Variants in FAM184A observed in about 807,000 individuals in gnomAD.
The protein encoded by FAM184A is protein FAM184A.
FAM184A carries 99 observed loss-of-function variants against 143.8 expected under a neutral mutation model. The observed-to-expected ratio is 0.69, with a 90% CI of 0.58 to 0.81. FAM184A has a LOEUF of 0.81. Among genes scored for constraint, FAM184A ranks in the 40% least tolerant of loss-of-function variants. The pLI is 0.00. For synonymous variants in FAM184A, 427 were observed against 446.4 expected (o/e 0.96, Z 0.55); for missense variants, 1,217 against 1,310.5 (o/e 0.93, Z 1.10).
intron 1 of FAM184A, among the ~76,000 whole-genome samples, chr6:119,095,761 G>T (rs949744449): frequency 6.6e-6 from 1 of 152,092 alleles, no homozygotes; most frequent in African/African-American, 2.4e-5. Context: ...GTCTTGCTAT[G>T]TTGCCCAGGC....
chr6:119,058,175 C>CTTTTT (rs5879483), intron 1 of FAM184A, among the ~76,000 whole-genome samples: 2 of 89,734 alleles, frequency 2.2e-5, no homozygotes, highest in African/African-American at 5.6e-5. Context: ...CTCCTTCTCT[C>CTTTTT]TTTTTTTTTT....
At chr6:119,063,090 C>T (rs528302582) in intron 1 of FAM184A, among the ~76,000 whole-genome samples, 1 of 152,092 alleles carries the variant, frequency 6.6e-6, no homozygotes, top group Non-Finnish European at 1.5e-5. Context: ...GAAACCCCCC[C>T]ACCAAAAATC....
Position 119,019,969 on chromosome 6 carries a change from A to T in FAM184A, c.1332+9T>A. ...TTTCGGGGGGAATGGAGTGTCCATT[A>T]CTTTTTACCTTCTCCAGTTCTAGAA... On this transcript the variant is annotated intron_variant, in intron 4 of 17. Transcript: ENST00000338891. 2 of 1,540,458 alleles carry T rather than the reference A, an allele frequency of 1.3e-6. No homozygotes were observed. The highest frequency in any genetic ancestry group is 1.7e-6 in the Non-Finnish European group (2 of 1,149,398).
intron 1 of FAM184A, among the ~76,000 whole-genome samples, chr6:119,034,035 TATATATAGAGAGAGAGAGAGAG>T (rs1786008779): frequency 2.9e-5 from 1 of 34,260 alleles, no homozygotes; most frequent in Non-Finnish European, 5.3e-5. Flanking sequence ...TATATATATA[TATATATAGAGAGAGAGAGAGAG>T]AGAGAGAGAG....
chr6:119,070,446 T>C (rs1320705949), intron 1 of FAM184A, among the ~76,000 whole-genome samples: 2 of 152,140 alleles, frequency 1.3e-5, no homozygotes, highest in Non-Finnish European at 1.5e-5. Flanking sequence ...TATTAATTGA[T>C]TGGCAGCCAA....
At chr6:119,089,217 T>TATTTA (rs1788308322) in intron 1 of FAM184A, among the ~76,000 whole-genome samples, 2 of 150,170 alleles carry the variant, frequency 1.3e-5, no homozygotes, top group Admixed American at 6.6e-5. Flanking sequence ...TTTTTTTATT[T>TATTTA]TTTTGAGACA....
intron 1 of FAM184A, among the ~76,000 whole-genome samples, chr6:119,068,558 C>T (rs1240271917): frequency 6.6e-6 from 1 of 152,152 alleles, no homozygotes; most frequent in Non-Finnish European, 1.5e-5. Flanking sequence ...AAGTCAAACA[C>T]TAGGAAGTGG....
intron 11 of FAM184A, among the ~76,000 whole-genome samples, chr6:118,978,094 G>C (rs1783902108): frequency 6.6e-6 from 1 of 152,034 alleles, no homozygotes; most frequent in Non-Finnish European, 1.5e-5. Flanking sequence ...CTCCCAAGTA[G>C]CTAGGATTAC....
At chr6:119,099,279 CT>C (rs1373772220) in intron 1 of FAM184A, among the ~76,000 whole-genome samples, 1 of 152,004 alleles carries the variant, frequency 6.6e-6, no homozygotes, top group Non-Finnish European at 1.5e-5. Flanking sequence ...GAATCCTCAT[CT>C]TTAGCTTCTG....
intron 1 of FAM184A, among the ~76,000 whole-genome samples, chr6:119,121,524 C>G (rs929781181): frequency 6.6e-5 from 10 of 152,230 alleles, no homozygotes; most frequent in Admixed American, 6.5e-4. Flanking sequence ...TTTAAATAGT[C>G]CCTGAAATTG....
chr6:119,016,396 C>T (rs1286426279), intron 5 of FAM184A, among the ~76,000 whole-genome samples: 3 of 152,178 alleles, frequency 2.0e-5, no homozygotes, highest in Non-Finnish European at 2.9e-5. Context: ...ACACTCACCA[C>T]GAAGATCTGC....
Position 118,973,835 on chromosome 6 carries a change from G to A in FAM184A, c.2915+593C>T, listed in dbSNP as rs1400560703. 3.3e-5 allele frequency among the ~76,000 whole-genome samples: 5 copies of A among 151,946 alleles called. No individual in the cohort carries two copies. The East Asian group carries it at 5.8e-4, about 18-fold the overall frequency. ...AATACTGTAGTTACTATGTATGAGC[G>A]GTAACTTTATTTGTAATGTTTTCCC... On this transcript the variant is annotated intron_variant, in intron 14 of 17. Coordinates refer to ENST00000338891, the MANE Select transcript of FAM184A (RefSeq NM_024581.6).
rs1787968282 is a variant in FAM184A at position 119,078,602 on chromosome 6, C to G, written c.-303G>C. On this transcript the variant is annotated 5_prime_UTR_variant, in exon 1 of 18. Coordinates refer to ENST00000338891, the MANE Select transcript of FAM184A (RefSeq NM_024581.6). This position sits in a 1 kb window ranked among gnomAD's most constrained non-coding sequence, Gnocchi z 5.5. The stretch of plus-strand genomic sequence containing the variant: ...CTCCTCGGCCCGCGCCTGGCGGAGG[C>G]GTCGAGGACAGCGCAGCTCCGCGGG... 1 of 223,622 alleles carries G rather than the reference C, an allele frequency of 4.5e-6. No homozygotes were observed. Among genetic ancestry groups the G allele is most frequent in the Non-Finnish European group, 8.7e-6 (1 of 114,626 alleles). The allele number at this position is 223,622 out of a possible 1,614,324, so 13.9% of individuals were successfully genotyped here. A position where few individuals can be genotyped will look rare whatever the true frequency, so the allele number is the denominator to read the frequency against.
chr6:119,103,939 A>G (rs200920043), intron 1 of FAM184A, among the ~76,000 whole-genome samples: 1 of 123,904 alleles, frequency 8.1e-6, no homozygotes, highest in Admixed American at 7.8e-5. Context: ...AAAAAAAAAA[A>G]AAAAAAAAAA....
Position 119,113,255 on chromosome 6 carries a change from ACT to A in FAM184A, c.-202+35821_-202+35822del, listed in dbSNP as rs139562757. On this transcript the variant is annotated intron_variant, in intron 1 of 16. Coordinates refer to the FAM184A transcript ENST00000352896. ...GAAACATTACAACTGTGGCCAGGAA[ACT>A]CTCTCGCTTGCTCAACCTGCCTCCT... is the stretch of plus-strand genomic sequence containing the variant. 3.7e-3 allele frequency among the ~76,000 whole-genome samples: 557 copies of A among 152,012 alleles called. 1 individual carries two copies. Among genetic ancestry groups the A allele is most frequent in the African/African-American group, 0.013 (519 of 41,448 alleles).
Position 119,024,694 on chromosome 6 carries a change from C to T in FAM184A, c.279G>A (p.Gln93=), listed in dbSNP as rs748799859. The T allele has an allele frequency of 1.2e-6, 2 of 1,613,978 alleles. No homozygotes were observed. Among genetic ancestry groups the T allele is most frequent in the Non-Finnish European group, 1.7e-6 (2 of 1,179,996 alleles). The change falls in exon 2 of 18, where the codon CAG becomes CAA. Residue 93 remains glutamine (Q), a synonymous_variant. Coordinates refer to ENST00000338891, the MANE Select transcript of FAM184A (RefSeq NM_024581.6). Reference sequence around the variant, plus strand: ...GCTCCTCTGTTACTTTGCTTTTATACTGCAATATTTTTTCTCTTGTTTCAG... The same window carrying T: ...GCTCCTCTGTTACTTTGCTTTTATATTGCAATATTTTTTCTCTTGTTTCAG... ...ILAETREKIL[Q]YKSKVTEELD... is the part of the protein sequence containing the mutation.
intron 1 of FAM184A, among the ~76,000 whole-genome samples, chr6:119,112,225 G>A (rs139257081): frequency 0.011 from 1,659 of 151,668 alleles, 20 homozygotes; most frequent in South Asian, 0.041. Context: ...TCCGCCTCCC[G>A]GGTTCAAGCA....
rs560408544 is a variant in FAM184A at position 119,147,076 on chromosome 6, T to G, written c.-202+2002A>C. On this transcript the variant is annotated intron_variant, in intron 1 of 16. Transcript: ENST00000352896. ...AGTGGCAGGCTCTGTTTTTTTTTTTTTTGTTTTTTTGTCTCCCAGATGCCT... is the reference window on the plus strand; with the variant it reads ...AGTGGCAGGCTCTGTTTTTTTTTTTGTTGTTTTTTTGTCTCCCAGATGCCT... Among the ~76,000 whole-genome samples, 57 of 119,482 alleles carry G rather than the reference T, an allele frequency of 4.8e-4. No homozygotes were observed. The South Asian group carries it at 0.014, about 28-fold the overall frequency. 78.4% of individuals were successfully genotyped at this position (119,482 alleles called of 152,430 possible).
rs193223797 is a variant in FAM184A, at chr6:119,147,305, C to T, written c.-202+1773G>A. On this transcript the variant is annotated intron_variant, in intron 1 of 16. Coordinates refer to the FAM184A transcript ENST00000352896. ...CTGTGGGTCTGATCGATGATACAAC[C>T]TGGTATTAACCGCTGGGCTTCCAAC... Among the ~76,000 whole-genome samples, 298 of 131,170 alleles carry T rather than the reference C, an allele frequency of 2.3e-3. 2 individuals carry two copies. The highest frequency in any genetic ancestry group is 7.2e-3 in the Admixed American group (79 of 10,942). 86.1% of individuals were successfully genotyped at this position (131,170 alleles called of 152,430 possible). A position where few individuals can be genotyped will look rare whatever the true frequency, so the allele number is the denominator to read the frequency against.
Sources: gnomAD v4.1 joint callset for allele counts (sites outside exome capture counted in the v4.1 genomes callset) on GRCh38, gnomAD v4.1.1 for gene constraint, Gnocchi (gnomAD v3.1) non-coding constraint, MANE v1.5 for transcripts, NCBI Gene and HGNC (gene_info 2026-07-23, HGNC 2026-07-21) for gene names.